Variants in TSPAN6 observed in about 807,000 individuals in gnomAD.
The protein encoded by TSPAN6 is tetraspanin-6.
In TSPAN6, 13 loss-of-function variants were observed where a neutral mutation model predicts 18.0. The ratio of observed to expected loss-of-function variants is 0.72; its 90% CI spans 0.47 to 1.15. TSPAN6 has a LOEUF of 1.15. TSPAN6 is among the 50% of genes most tolerant of loss of function. TSPAN6 has a pLI of 0.00. For synonymous variants in TSPAN6, 82 were observed against 67.0 expected (o/e 1.22, Z -1.09); for missense variants, 186 against 183.9 (o/e 1.01, Z -0.07).
chrX:100,630,931 T>C (rs112226304), intron 6 of TSPAN6, 65 bp from the exon 7 acceptor site: 4 of 831,347 alleles, frequency 4.8e-6, no homozygotes, highest in Non-Finnish European at 7.1e-6. Flanking sequence ...TCAGACTATA[T>C]TCTCCTCTCA....
At position 100,627,339 on chromosome X, in the gene TSPAN6, T is replaced by A. The variant is rs889900957; in HGVS notation, c.*2687A>T. 8.9e-6 allele frequency: 1 copy of A among 111,775 alleles called. No homozygotes were observed. The highest frequency in any genetic ancestry group is 3.3e-5 in the African/African-American group (1 of 30,707). 9.2% of individuals were successfully genotyped at this position (111,775 alleles called of 1,213,427 possible). A position where few individuals can be genotyped will look rare whatever the true frequency, so the allele number is the denominator to read the frequency against. On this transcript the variant is annotated 3_prime_UTR_variant, in exon 8 of 8. Coordinates refer to ENST00000373020, the MANE Select transcript of TSPAN6 (RefSeq NM_003270.4). ...ATGAATTATTTTAAACATAGATATA[T>A]AGTGAAGTAAAATGTAAAATTCTCC...
chrX:100,634,498 C>CT (rs1315722171), intron 3 of TSPAN6, among the ~76,000 whole-genome samples: 66 of 103,769 alleles, frequency 6.4e-4, no homozygotes, highest in African/African-American at 1.2e-3. Context: ...CAGTATTAAG[C>CT]TTTTTTTTTT....
intron 3 of TSPAN6, 139 bp from the exon 4 acceptor site, chrX:100,634,168 G>T: frequency 2.3e-6 from 1 of 432,932 alleles, no homozygotes; most frequent in Non-Finnish European, 4.0e-6. Flanking sequence ...CCATGGTACA[G>T]TCCTGTCCTC....
chrX:100,628,704 A>G lies in TSPAN6; in HGVS notation c.*1322T>C, dbSNP rs1345595950. 3.6e-5 allele frequency: 4 copies of G among 112,039 alleles called. No homozygotes were observed. Among genetic ancestry groups the G allele is most frequent in the African/African-American group, 6.5e-5 (2 of 30,859 alleles). The allele number at this position is 112,039 out of a possible 1,213,427, so 9.2% of individuals were successfully genotyped here. A position where few individuals can be genotyped will look rare whatever the true frequency, so the allele number is the denominator to read the frequency against. On this transcript the variant is annotated 3_prime_UTR_variant, in exon 8 of 8. Coordinates refer to ENST00000373020, the MANE Select transcript of TSPAN6 (RefSeq NM_003270.4). ...CACTAGTCATATGCTACTTTATAAC[A>G]TGGAATATAATTTTTTTCACAGAGA... is the stretch of plus-strand genomic sequence containing the variant.
intron 5 of TSPAN6, among the ~76,000 whole-genome samples, chrX:100,632,865 C>T: frequency 9.0e-6 from 1 of 111,053 alleles, no homozygotes; most frequent in Admixed American, 9.6e-5. Flanking sequence ...GTTCAAGGCT[C>T]CAGTGAGCTA....
upstream of TSPAN6, chrX:100,636,841 G>C: frequency 1.6e-6 from 1 of 613,950 alleles, no homozygotes; most frequent in Non-Finnish European, 2.3e-6. Context: ...ATTTTGTAGA[G>C]GGTAAAGTAT....
At chrX:100,631,162 A>T (rs1221987589) in intron 6 of TSPAN6, among the ~76,000 whole-genome samples, 1 of 112,000 alleles carries the variant, frequency 8.9e-6, no homozygotes, top group Non-Finnish European at 1.9e-5. Context: ...CCCAGAAAAA[A>T]CAAATACATG....
intron 1 of TSPAN6, chrX:100,636,359 C>T (rs934864764): frequency 1.0e-6 from 1 of 953,354 alleles, no homozygotes; most frequent in Non-Finnish European, 1.3e-6. Flanking sequence ...CGAACTCGAA[C>T]GCTGGTACGT....
chrX:100,633,189 G>A (rs1331322406), intron 5 of TSPAN6, among the ~76,000 whole-genome samples: 4 of 110,837 alleles, frequency 3.6e-5, no homozygotes, highest in Non-Finnish European at 5.7e-5. Flanking sequence ...CGTGGTGGTG[G>A]GCACCTGTAG....
rs764769461 is a variant in TSPAN6 at position 100,633,976 on chromosome X, A to G, written c.405T>C (p.Ser135=). 4.7e-5 allele frequency: 56 copies of G among 1,202,492 alleles called. No homozygotes were observed. The highest frequency in any genetic ancestry group is 5.9e-5 in the Non-Finnish European group (53 of 891,108). Residue 135 remains serine (S), a synonymous_variant, in exon 4 of 8, where the codon TCT becomes TCC. Transcript: ENST00000373020. ...NYEKALKQYN[S]TGDYRSHAVD... is the part of the protein sequence containing the mutation. ...CTGCATGGCTTCTATAATCTCCTGTAGAGTTATACTGCTTCAAAGCCTTCT... is the reference window on the plus strand; with the variant it reads ...CTGCATGGCTTCTATAATCTCCTGTGGAGTTATACTGCTTCAAAGCCTTCT...
Position 100,635,160 on chromosome X carries a change from T to C in TSPAN6, c.351+18A>G. On this transcript the variant is annotated intron_variant, in intron 3 of 7. Transcript: ENST00000373020. ...GAGGATAAATGTAACATGCTAAGCT[T>C]CCCTAATTCAGGCTTACCTCATGTC... 1 of 1,161,617 alleles carries C rather than the reference T, an allele frequency of 8.6e-7. No homozygotes were observed.
Position 100,633,993 on chromosome X carries a change from A to G in TSPAN6, c.388T>C (p.Leu130=), listed in dbSNP as rs999948331. The G allele has an allele frequency of 2.5e-6, 3 of 1,199,896 alleles. No homozygotes were observed. The highest frequency in any genetic ancestry group is 3.4e-6 in the Non-Finnish European group (3 of 886,671). ...NSFKNNYEKA[L]KQYNSTGDYR... is the part of the protein sequence containing the mutation. ...TCTCCTGTAGAGTTATACTGCTTCA[A>G]AGCCTTCTCATAATTATTCTTAAAG... The change falls in exon 4 of 8, where the codon TTG becomes CTG. Residue 130 remains leucine, a synonymous_variant. Transcript: ENST00000373020.
rs755030835 is a variant in TSPAN6, at chrX:100,632,576, G to C, written c.586-8C>G. On this transcript the variant is annotated splice_region_variant and splice_polypyrimidine_tract_variant and intron_variant, in intron 5 of 7. Transcript: ENST00000373020. ...CACCTTTATAAAACAACCCTAATGG[G>C]AGGAAAAAAACAAAGATTAAATACA... 2.4e-4 allele frequency: 278 copies of C among 1,161,187 alleles called. No homozygotes were observed. Among genetic ancestry groups the C allele is most frequent in the Non-Finnish European group, 1.9e-4 (164 of 856,821 alleles).
rs1001974420 is a variant in TSPAN6, at chrX:100,635,037, T to C, written c.351+141A>G. ...TCTAAATTTTCTTTTAAATTAGAAG[T>C]GGACCAGAATTTTTACAAGAAGGCC... On this transcript the variant is annotated intron_variant, in intron 3 of 7. Transcript: ENST00000373020. 1.3e-4 allele frequency: 56 copies of C among 436,530 alleles called. No homozygotes were observed. In the East Asian group the frequency reaches 2.0e-3, roughly 16 times the overall value. 36.0% of individuals were successfully genotyped at this position (436,530 alleles called of 1,213,427 possible).
rs1788303793 is a variant in TSPAN6 at position 100,629,435 on chromosome X, A to G, written c.*591T>C. 1 of 111,763 alleles carries G rather than the reference A, an allele frequency of 8.9e-6. No individual in the cohort carries two copies. The highest frequency in any genetic ancestry group is 3.3e-5 in the African/African-American group (1 of 30,750). 9.2% of individuals were successfully genotyped at this position (111,763 alleles called of 1,213,427 possible). A position where few individuals can be genotyped will look rare whatever the true frequency, so the allele number is the denominator to read the frequency against. On this transcript the variant is annotated 3_prime_UTR_variant, in exon 8 of 8. Transcript: ENST00000373020. ...TTGACTGACTGAAATTAAATTACACAATGTGACTCTCTGCCTGTCAGCAGA... is the reference window on the plus strand; with the variant it reads ...TTGACTGACTGAAATTAAATTACACGATGTGACTCTCTGCCTGTCAGCAGA...
rs76568447 is a variant in TSPAN6, at chrX:100,633,480, T to C, written c.510A>G (p.Glu170=). The C allele has an allele frequency of 4.7e-5, 57 of 1,205,859 alleles. No individual in the cohort carries two copies. The African/African-American group carries it at 6.5e-4, about 14-fold the overall frequency. ...RDWTDTNYYS[E]KGFPKSCCKL... ...TACAGCAACTCTTAGGAAATCCTTT[T>C]TCTGAGTAATAATTAGTATCTGTCC... Residue 170 remains glutamate (E), a synonymous_variant, in exon 5 of 8, where the codon GAA becomes GAG. Coordinates refer to ENST00000373020, the MANE Select transcript of TSPAN6 (RefSeq NM_003270.4).
At chrX:100,635,775 G>A (rs757517430) in intron 1 of TSPAN6, 29 bp from the exon 2 acceptor site, 2 of 1,082,865 alleles carry the variant, frequency 1.8e-6, no homozygotes, top group Non-Finnish European at 1.2e-6. Flanking sequence ...AATACAAACA[G>A]TTACGCACTG....
chrX:100,635,492 G>T, intron 2 of TSPAN6, 66 bp downstream of exon 2: 1 of 1,015,100 alleles, frequency 9.9e-7, no homozygotes. Context: ...TTCCAACAAA[G>T]GAATTCTATA....
At chrX:100,636,344 C>T in intron 1 of TSPAN6, 4 of 939,374 alleles carry the variant, frequency 4.3e-6, no homozygotes, top group Non-Finnish European at 5.3e-6. Flanking sequence ...CCTCGCCTCC[C>T]GTATCGAACT....
Sources: allele counts gnomAD v4.1 joint callset (sites outside exome capture counted in the v4.1 genomes callset), GRCh38; gene constraint gnomAD v4.1.1; transcripts MANE v1.5; gene names NCBI Gene and HGNC (gene_info 2026-07-23, HGNC 2026-07-21).